The following OTUD7A variants were observed in gnomAD, a reference collection of about 807,000 sequenced individuals.
OTUD7A encodes the protein OTU domain-containing protein 7A.
Under a neutral mutation model 65.7 loss-of-function variants are expected in OTUD7A, and 12 were observed. That is an observed-to-expected ratio of 0.18 (90% CI 0.12 to 0.30). The LOEUF (loss-of-function observed/expected upper bound fraction) is 0.30. Among genes scored for constraint, OTUD7A ranks in the 10% least tolerant of loss-of-function variants. The pLI is 1.00. For synonymous variants in OTUD7A, 641 were observed against 586.3 expected, an observed-to-expected ratio of 1.09 and a Z score of -1.35; for missense variants, 1,148 against 1,304.8, an observed-to-expected ratio of 0.88 and a Z score of 1.85.
At chr15:31,756,013 G>A (rs1219295827) in intron 1 of OTUD7A, among the ~76,000 whole-genome samples, 1 of 152,204 alleles carries the variant, frequency 6.6e-6, no homozygotes, top group Admixed American at 6.5e-5. Context: ...GAGCAGAGCT[G>A]AGGACTCCAG....
chr15:31,601,448 C>G (rs1890071642), intron 3 of OTUD7A, among the ~76,000 whole-genome samples: 1 of 152,128 alleles, frequency 6.6e-6, no homozygotes, highest in Non-Finnish European at 1.5e-5. Flanking sequence ...CTCTGGGACA[C>G]ATTTAATGCA....
At position 31,721,904 on chromosome 15, in the gene OTUD7A, TG is replaced by T. The variant is rs530977046; in HGVS notation, c.-99-64828del. Among the ~76,000 whole-genome samples, 16 of 152,374 alleles carry T rather than the reference TG, an allele frequency of 1.1e-4. No individual in the cohort carries two copies. The South Asian group carries it at 2.9e-3, about 28-fold the overall frequency. On this transcript the variant is annotated intron_variant, in intron 1 of 12. Coordinates refer to ENST00000307050, the MANE Select transcript of OTUD7A (RefSeq NM_001382637.1). The stretch of plus-strand genomic sequence containing the variant: ...TAGGCCAGGGACTGCATCTTTTTAC[TG>T]AATTCCCGATGCCCAGTGCAGCATC...
chr15:31,559,822 G>T (rs533818774), intron 4 of OTUD7A, among the ~76,000 whole-genome samples: 1 of 151,944 alleles, frequency 6.6e-6, no homozygotes. Context: ...GCATACACAC[G>T]TACACATACA....
intron 5 of OTUD7A, among the ~76,000 whole-genome samples, chr15:31,554,653 A>G (rs1166782014): frequency 6.6e-6 from 1 of 152,092 alleles, no homozygotes. Flanking sequence ...TTACACAAAA[A>G]TGCCTCTGCC....
At chr15:31,752,289 CTA>C (rs1005409856) in intron 1 of OTUD7A, among the ~76,000 whole-genome samples, 3 of 150,936 alleles carry the variant, frequency 2.0e-5, no homozygotes, top group Non-Finnish European at 4.4e-5. Flanking sequence ...CAAAGCAAAA[CTA>C]TGTTGTTTTG....
chr15:31,820,967 C>T (rs1450730923), intron 1 of OTUD7A, among the ~76,000 whole-genome samples: 1 of 151,722 alleles, frequency 6.6e-6, no homozygotes, highest in Admixed American at 6.6e-5. Flanking sequence ...CCCTCCGAGG[C>T]CCCCAGCCCT....
At chr15:31,756,254 G>C (rs915749001) in intron 1 of OTUD7A, among the ~76,000 whole-genome samples, 1 of 152,154 alleles carries the variant, frequency 6.6e-6, no homozygotes, top group African/African-American at 2.4e-5. Context: ...TTTGTAGTTT[G>C]AGTTTTACAT....
At chr15:31,848,356 C>G (rs1021748894) in intron 1 of OTUD7A, among the ~76,000 whole-genome samples, 1 of 152,164 alleles carries the variant, frequency 6.6e-6, no homozygotes, top group Non-Finnish European at 1.5e-5. Context: ...GGGGGACGTG[C>G]AGACCAGTCT....
intron 1 of OTUD7A, among the ~76,000 whole-genome samples, chr15:31,846,632 C>T (rs796671904): frequency 1.4e-4 from 21 of 152,184 alleles, no homozygotes; most frequent in African/African-American, 5.1e-4. Flanking sequence ...CCGGTGAGCC[C>T]CCATCAATAT....
At chr15:31,784,496 G>C (rs982418496) in intron 1 of OTUD7A, among the ~76,000 whole-genome samples, 8 of 152,040 alleles carry the variant, frequency 5.3e-5, no homozygotes, top group African/African-American at 1.9e-4. Flanking sequence ...TTTCATAAAA[G>C]CTTATCTATG....
Position 31,753,704 on chromosome 15 carries a change from A to ATATATATATATTATATATATATATATAT in OTUD7A, c.-99-96628_-99-96627insATATATATATATATATAATATATATATA, listed in dbSNP as rs1894713723. 8.5e-4 allele frequency among the ~76,000 whole-genome samples: 13 copies of ATATATATATATTATATATATATATATAT among 15,316 alleles called. 2 individuals carry two copies. Among genetic ancestry groups the ATATATATATATTATATATATATATATAT allele is most frequent in the African/African-American group, 4.6e-3 (12 of 2,604 alleles). 10.0% of individuals were successfully genotyped at this position (15,316 alleles called of 152,430 possible). The stretch of plus-strand genomic sequence containing the variant: ...CCTGTGAGATATATATATATATATT[A>ATATATATATATTATATATATATATATAT]TATATATATATATATATTATATATA... On this transcript the variant is annotated intron_variant, in intron 1 of 12. Transcript: ENST00000307050.
chr15:31,725,643 A>G (rs1893863811), intron 1 of OTUD7A, among the ~76,000 whole-genome samples: 1 of 152,236 alleles, frequency 6.6e-6, no homozygotes, highest in Non-Finnish European at 1.5e-5. Context: ...CTGGGCTCTC[A>G]GAAGAATTGC....
chr15:31,812,536 A>G (rs1896446515), intron 1 of OTUD7A, among the ~76,000 whole-genome samples: 1 of 152,188 alleles, frequency 6.6e-6, no homozygotes, highest in Admixed American at 6.5e-5. Flanking sequence ...ATGGGCCAGT[A>G]AAAAGAGCCA....
rs1047169751 is a variant in OTUD7A at position 31,604,763 on chromosome 15, C to T, written c.152-34566G>A. 6.6e-5 allele frequency among the ~76,000 whole-genome samples: 10 copies of T among 152,188 alleles called. 1 individual carries two copies. Among genetic ancestry groups the T allele is most frequent in the African/African-American group, 1.4e-4 (6 of 41,450 alleles). On this transcript the variant is annotated intron_variant, in intron 3 of 12. Coordinates refer to ENST00000307050, the MANE Select transcript of OTUD7A (RefSeq NM_001382637.1). ...AACCTGTGGCTCCCACTCAGGAGCC[C>T]AGGGGAGGACTTCCAGGGCAGGGTG...
intron 5 of OTUD7A, among the ~76,000 whole-genome samples, chr15:31,551,196 C>T (rs560198594): frequency 2.0e-5 from 3 of 152,206 alleles, no homozygotes; most frequent in Non-Finnish European, 2.9e-5. Flanking sequence ...CCAGCACTTT[C>T]CAGCCTCCGG....
intron 1 of OTUD7A, among the ~76,000 whole-genome samples, chr15:31,841,419 G>A (rs1373197306): frequency 1.3e-5 from 2 of 152,116 alleles, no homozygotes; most frequent in Non-Finnish European, 2.9e-5. Context: ...ACACAAGGAA[G>A]CCTCGAGGAC....
chr15:31,690,904 A>T, intron 1 of OTUD7A, among the ~76,000 whole-genome samples: 1 of 152,236 alleles, frequency 6.6e-6, no homozygotes, highest in Non-Finnish European at 1.5e-5. Flanking sequence ...CCACCAAAAG[A>T]ACAGGCAACA....
chr15:31,484,223 C>T lies in OTUD7A; in HGVS notation c.1873G>A (p.Val625Met). The change falls in exon 13 of 13, where the codon GTG (valine) becomes ATG (methionine). Residue 625 changes from valine to methionine, a missense_variant. Coordinates refer to ENST00000307050, the MANE Select transcript of OTUD7A (RefSeq NM_001382637.1). The surrounding 1 kb of genome is among the most constrained non-coding windows in gnomAD (Gnocchi z 4.5). ...RGDAWKYSTD[V>M]KLSLNILRAA... ...CGCAGGATGTTGAGGCTCAGCTTCA[C>T]ATCCGTGCTGTACTTCCAGGCGTCG... 1 of 1,607,074 alleles carries T rather than the reference C, an allele frequency of 6.2e-7. No individual in the cohort carries two copies.
chr15:31,584,095 G>A (rs1348461816), intron 3 of OTUD7A, among the ~76,000 whole-genome samples: 1 of 152,164 alleles, frequency 6.6e-6, no homozygotes, highest in Non-Finnish European at 1.5e-5. Flanking sequence ...CAGCAGGGTG[G>A]GCTGACCCTT....
Sources: gnomAD v4.1 joint callset for allele counts (sites outside exome capture counted in the v4.1 genomes callset) on GRCh38, gnomAD v4.1.1 for gene constraint, Gnocchi (gnomAD v3.1) non-coding constraint, MANE v1.5 for transcripts, NCBI Gene and HGNC (gene_info 2026-07-23, HGNC 2026-07-21) for gene names.